DTNA: variants seen among roughly 807,000 people sequenced by gnomAD.
DTNA encodes dystrophin-related protein 3.
A neutral mutation model predicts 100.7 loss-of-function variants in DTNA; 43 were observed. The observed-to-expected ratio is 0.43, with a 90% CI of 0.33 to 0.55. The LOEUF (loss-of-function observed/expected upper bound fraction) is 0.55. DTNA is among the 20% of genes least tolerant of loss of function. The pLI, the probability that DTNA is intolerant of heterozygous loss-of-function variation, is 0.04. For synonymous variants in DTNA, 349 were observed against 347.9 expected (o/e 1.00, Z -0.04); for missense variants, 798 against 953.9 (o/e 0.84, Z 2.15).
intron 1 of DTNA, among the ~76,000 whole-genome samples, chr18:34,673,693 C>T (rs1262243772): frequency 1.3e-5 from 2 of 152,124 alleles, no homozygotes; most frequent in Non-Finnish European, 2.9e-5. Context: ...AGGTCTTCGG[C>T]TTTGTGGCGT....
chr18:34,836,003 G>T (rs1218087121), intron 11 of DTNA, among the ~76,000 whole-genome samples: 1 of 152,182 alleles, frequency 6.6e-6, no homozygotes, highest in Non-Finnish European at 1.5e-5. Flanking sequence ...GAATGGTTTT[G>T]CAAGCATCTG....
In DTNA at chr18:34,564,149, C is replaced by CT. The variant is rs879725183; in HGVS notation, c.-2+70646dup. Among the ~76,000 whole-genome samples the CT allele has an allele frequency of 5.1e-3, 754 of 146,566 alleles. 4 individuals carry two copies. The highest frequency in any genetic ancestry group is 0.014 in the African/African-American group (558 of 40,210). On this transcript the variant is annotated intron_variant, in intron 1 of 19. Transcript: ENST00000283365. Reference sequence around the variant, plus strand: ...CCTTCGACCAACATGTCCGTACTTCCTTTTTTTTTTTGAGATGGAGTCTCC... The same window carrying CT: ...CCTTCGACCAACATGTCCGTACTTCCTTTTTTTTTTTTGAGATGGAGTCTCC...
chr18:34,825,020 C>T (rs950555655), intron 9 of DTNA, among the ~76,000 whole-genome samples: 1 of 150,202 alleles, frequency 6.7e-6, no homozygotes, highest in African/African-American at 2.5e-5. Flanking sequence ...CACATACATA[C>T]ATTTGTATAT....
intron 1 of DTNA, among the ~76,000 whole-genome samples, chr18:34,745,767 C>T (rs2091474234): frequency 6.6e-6 from 1 of 152,168 alleles, no homozygotes; most frequent in African/African-American, 2.4e-5. Context: ...ATAAAACTAC[C>T]TTTGATTCTC....
rs148726198 is a variant in DTNA, at chr18:34,639,491, T to C, written c.-1-116485T>C. Among the ~76,000 whole-genome samples, 740 of 152,294 alleles carry C rather than the reference T, an allele frequency of 4.9e-3. 5 individuals carry two copies. The highest frequency in any genetic ancestry group is 0.016 in the African/African-American group (645 of 41,550). On this transcript the variant is annotated intron_variant, in intron 1 of 19. Coordinates refer to the DTNA transcript ENST00000283365. Reference sequence around the variant, plus strand: ...ATAATAGAATTGCAGGTAATATTGATAGAGCAGGAGGGAGGGGCCTATTTA... The same window carrying C: ...ATAATAGAATTGCAGGTAATATTGACAGAGCAGGAGGGAGGGGCCTATTTA...
At chr18:34,795,632 CT>C (rs1242334638) in intron 4 of DTNA, among the ~76,000 whole-genome samples, 1 of 152,090 alleles carries the variant, frequency 6.6e-6, no homozygotes, top group Non-Finnish European at 1.5e-5. Flanking sequence ...AGATTTGCCC[CT>C]AAAGATGTCA....
intron 1 of DTNA, among the ~76,000 whole-genome samples, chr18:34,627,929 A>G (rs888451232): frequency 6.6e-6 from 1 of 152,086 alleles, no homozygotes; most frequent in Non-Finnish European, 1.5e-5. Context: ...GTCTGACTGT[A>G]TGCTAATTTT....
Position 34,503,257 on chromosome 18 carries a change from G to A in DTNA, c.-2+9743G>A, listed in dbSNP as rs180910734. On this transcript the variant is annotated intron_variant, in intron 1 of 19. Transcript: ENST00000283365. ...ATTTTATATTTTATTTGAGTTCCTT[G>A]TAGATAAAATATAATTGGCTCATTT... Among the ~76,000 whole-genome samples the A allele has an allele frequency of 3.3e-3, 413 of 126,434 alleles. 1 individual carries two copies. Among genetic ancestry groups the A allele is most frequent in the Non-Finnish European group, 5.2e-3 (301 of 58,366 alleles). The allele number at this position is 126,434 out of a possible 152,430, so 82.9% of individuals were successfully genotyped here.
At chr18:34,494,610 A>G (rs530440471) in intron 1 of DTNA, among the ~76,000 whole-genome samples, 3 of 151,540 alleles carry the variant, frequency 2.0e-5, no homozygotes, top group Admixed American at 1.3e-4. Context: ...GCTGTTTAGT[A>G]GGCTTGGGGT....
intron 17 of DTNA, chr18:34,867,098 A>T: frequency 1.6e-6 from 2 of 1,231,190 alleles, no homozygotes; most frequent in Non-Finnish European, 2.0e-6. Flanking sequence ...ACTCACTAGC[A>T]TTATTTAAAA....
At chr18:34,609,912 TG>T (rs2053899603) in intron 1 of DTNA, among the ~76,000 whole-genome samples, 1 of 152,154 alleles carries the variant, frequency 6.6e-6, no homozygotes, top group Non-Finnish European at 1.5e-5. Flanking sequence ...ATTAATTAGC[TG>T]AGAATAATAA....
At chr18:34,559,534 G>A (rs902994583) in intron 1 of DTNA, among the ~76,000 whole-genome samples, 2 of 152,214 alleles carry the variant, frequency 1.3e-5, no homozygotes, top group African/African-American at 2.4e-5. Context: ...AAGAGAACAC[G>A]CTGCTGTTCT....
intron 1 of DTNA, among the ~76,000 whole-genome samples, chr18:34,728,969 C>T (rs961264866): frequency 5.9e-5 from 9 of 152,170 alleles, no homozygotes; most frequent in Admixed American, 2.0e-4. Context: ...TTCTGACACC[C>T]GGGGTCCCTT....
At chr18:34,810,708 A>G (rs980165007) in intron 5 of DTNA, among the ~76,000 whole-genome samples, 7 of 152,320 alleles carry the variant, frequency 4.6e-5, no homozygotes, top group South Asian at 2.1e-4. Context: ...AATATTCCCA[A>G]TACAAAGAAA....
chr18:34,775,314 G>T (rs1383994897), intron 3 of DTNA, among the ~76,000 whole-genome samples: 4 of 151,988 alleles, frequency 2.6e-5, no homozygotes, highest in Non-Finnish European at 5.9e-5. Flanking sequence ...GGGAAACCCC[G>T]TCTCTACTAA....
intron 1 of DTNA, among the ~76,000 whole-genome samples, chr18:34,528,170 C>T (rs1057062249): frequency 8.5e-5 from 13 of 152,188 alleles, no homozygotes; most frequent in African/African-American, 3.1e-4. Context: ...ATTTCCTGTA[C>T]AACTATTATG....
intron 15 of DTNA, 102 bp from the exon 16 acceptor site, chr18:34,858,183 A>T (rs2096575040): frequency 1.9e-6 from 2 of 1,054,118 alleles, no homozygotes; most frequent in Non-Finnish European, 2.9e-6. Context: ...TAAACATAGG[A>T]TGATCCCTTC....
At chr18:34,720,146 C>T (rs2084968020) in intron 1 of DTNA, among the ~76,000 whole-genome samples, 1 of 152,074 alleles carries the variant, frequency 6.6e-6, no homozygotes, top group South Asian at 2.1e-4. Flanking sequence ...GTGGAAGGGT[C>T]ACAAAGTCAA....
chr18:34,829,617 T>A, intron 11 of DTNA, 128 bp downstream of exon 11: 1 of 982,528 alleles, frequency 1.0e-6, no homozygotes, highest in Non-Finnish European at 1.4e-6. Context: ...TTCTGGGGTT[T>A]AATGAAATTG....
Sources: gnomAD v4.1 joint callset for allele counts (sites outside exome capture counted in the v4.1 genomes callset) on GRCh38, gnomAD v4.1.1 for gene constraint, MANE v1.5 for transcripts, NCBI Gene and HGNC (gene_info 2026-07-23, HGNC 2026-07-21) for gene names.